The following IL1RAPL1 variants were observed in gnomAD, a reference collection of about 807,000 sequenced individuals.
IL1RAPL1 encodes the protein interleukin-1 receptor accessory protein-like 1.
In IL1RAPL1, 3 loss-of-function variants were observed where a neutral mutation model predicts 48.4. The observed-to-expected ratio is 0.06, with a 90% CI of 0.03 to 0.16. The LOEUF (loss-of-function observed/expected upper bound fraction) is 0.16. Ranked by LOEUF, IL1RAPL1 falls within the 10% of genes least tolerant of loss-of-function variation. IL1RAPL1 has a pLI of 1.00. For synonymous variants in IL1RAPL1, 185 were observed against 187.7 expected (o/e 0.99, Z 0.12); for missense variants, 349 against 530.6 (o/e 0.66, Z 3.36).
chrX:29,144,335 G>T (rs748907069), intron 2 of IL1RAPL1, among the ~76,000 whole-genome samples: 198 of 110,371 alleles, frequency 1.8e-3, no homozygotes, highest in Middle Eastern at 4.7e-3. Flanking sequence ...GGGTGCGGTG[G>T]CTCACACTTG....
chrX:28,672,193 G>A (rs1226385894), intron 1 of IL1RAPL1, among the ~76,000 whole-genome samples: 1 of 110,901 alleles, frequency 9.0e-6, no homozygotes, highest in Admixed American at 9.6e-5. Flanking sequence ...ACATTCCTGT[G>A]TGTTTTATTT....
intron 2 of IL1RAPL1, among the ~76,000 whole-genome samples, chrX:29,040,336 A>G (rs1378966223): frequency 8.9e-6 from 1 of 112,299 alleles, no homozygotes; most frequent in Non-Finnish European, 1.9e-5. Context: ...TGGACCCAAA[A>G]GAGTCCTCTT....
At position 29,500,615 on chromosome X, in the gene IL1RAPL1, G is replaced by A. The variant is rs142488476; in HGVS notation, c.703+101307G>A. Among the ~76,000 whole-genome samples, 97 of 111,415 alleles carry A rather than the reference G, an allele frequency of 8.7e-4. 1 individual carries two copies. In the South Asian group the frequency reaches 0.028, roughly 32 times the overall value. On this transcript the variant is annotated intron_variant, in intron 5 of 10. Coordinates refer to ENST00000378993, the MANE Select transcript of IL1RAPL1 (RefSeq NM_014271.4). ...AAATGATTTAATTATTTTTTATGGC[G>A]GAATAATATTATATAATATGTACAC...
Position 28,603,599 on chromosome X carries a change from A to C in IL1RAPL1, c.-25+15552A>C, listed in dbSNP as rs1256535333. Among the ~76,000 whole-genome samples, 3 of 111,984 alleles carry C rather than the reference A, an allele frequency of 2.7e-5. No homozygotes were observed. The East Asian group carries it at 8.4e-4, about 32-fold the overall frequency. On this transcript the variant is annotated intron_variant, in intron 1 of 10. Transcript: ENST00000378993. ...TGACCTCATTTATCTGGTTCACCAC[A>C]TATCTTTGGTGCCCAGGAGAGTGCC...
chrX:29,389,211 C>T (rs1933822875), intron 3 of IL1RAPL1, among the ~76,000 whole-genome samples: 1 of 108,921 alleles, frequency 9.2e-6, no homozygotes, highest in Non-Finnish European at 1.9e-5. Context: ...AAAAAATTAG[C>T]CGGGCGTGGT....
intron 5 of IL1RAPL1, among the ~76,000 whole-genome samples, chrX:29,642,881 A>G (rs1488535846): frequency 1.8e-5 from 2 of 112,450 alleles, no homozygotes; most frequent in Non-Finnish European, 3.7e-5. Flanking sequence ...CCTTCCAATA[A>G]GGTAACCACA....
intron 5 of IL1RAPL1, among the ~76,000 whole-genome samples, chrX:29,480,291 C>CATACATATATAT (rs375536384): frequency 3.9e-5 from 3 of 76,603 alleles, no homozygotes; most frequent in African/African-American, 1.8e-4. Context: ...CACACATATA[C>CATACATATATAT]ATATATATAT....
chrX:29,161,843 A>G (rs1177055256), intron 2 of IL1RAPL1, among the ~76,000 whole-genome samples: 1 of 112,226 alleles, frequency 8.9e-6, no homozygotes, highest in East Asian at 2.8e-4. Context: ...TTGACACAGC[A>G]ATCCCATTAC....
intron 6 of IL1RAPL1, among the ~76,000 whole-genome samples, chrX:29,767,401 G>T (rs187476023): frequency 8.9e-6 from 1 of 112,018 alleles, no homozygotes; most frequent in Admixed American, 9.5e-5. Flanking sequence ...TACCGTCATT[G>T]AAGATCTTCT....
chrX:29,940,895 A>C lies in IL1RAPL1; in HGVS notation c.1058-756A>C, dbSNP rs771363683. 1.8e-4 allele frequency among the ~76,000 whole-genome samples: 20 copies of C among 111,846 alleles called. No homozygotes were observed. The South Asian group carries it at 3.7e-3, about 21-fold the overall frequency. ...AAGTAAACGGTTGAATGAAAATAAA[A>C]CACCACCAACATATTCATATACTGT... is the stretch of plus-strand genomic sequence containing the variant. On this transcript the variant is annotated intron_variant, in intron 8 of 10. Coordinates refer to ENST00000378993, the MANE Select transcript of IL1RAPL1 (RefSeq NM_014271.4).
chrX:28,796,429 G>A (rs1384721226), intron 2 of IL1RAPL1, among the ~76,000 whole-genome samples: 2 of 111,756 alleles, frequency 1.8e-5, no homozygotes, highest in East Asian at 5.7e-4. Flanking sequence ...AAACAAGTTA[G>A]TTACTTCCTA....
chrX:28,809,845 GAC>G (rs1284295750), intron 2 of IL1RAPL1, among the ~76,000 whole-genome samples: 4 of 108,440 alleles, frequency 3.7e-5, no homozygotes, highest in African/African-American at 1.3e-4. Flanking sequence ...AGCAACAGAT[GAC>G]AGTTACCAGA....
chrX:29,320,726 G>A lies in IL1RAPL1; in HGVS notation c.362+37509G>A, dbSNP rs979399956. ...GGTTGCAGTGAGTCGAGATCATGCC[G>A]CTGCACTCCAGCCTGGACAACAGAG... On this transcript the variant is annotated intron_variant, in intron 3 of 10. Coordinates refer to ENST00000378993, the MANE Select transcript of IL1RAPL1 (RefSeq NM_014271.4). 2.8e-4 allele frequency among the ~76,000 whole-genome samples: 31 copies of A among 109,485 alleles called. 1 individual carries two copies. Among genetic ancestry groups the A allele is most frequent in the African/African-American group, 9.3e-4 (28 of 30,102 alleles).
At chrX:28,643,144 C>A (rs922974182) in intron 1 of IL1RAPL1, among the ~76,000 whole-genome samples, 1 of 111,553 alleles carries the variant, frequency 9.0e-6, no homozygotes, top group Non-Finnish European at 1.9e-5. Context: ...CCGCCTTGGC[C>A]TCCCAAAATG....
At chrX:29,492,496 C>T (rs1935169264) in intron 5 of IL1RAPL1, among the ~76,000 whole-genome samples, 1 of 111,536 alleles carries the variant, frequency 9.0e-6, no homozygotes, top group Non-Finnish European at 1.9e-5. Flanking sequence ...TGTCAGCTTC[C>T]AGAAGTTTCT....
intron 2 of IL1RAPL1, among the ~76,000 whole-genome samples, chrX:29,174,154 C>T (rs995768414): frequency 7.2e-5 from 8 of 110,684 alleles, no homozygotes; most frequent in African/African-American, 2.6e-4. Context: ...GAACTCCCAA[C>T]CTCAGGTGAT....
At chrX:29,260,752 T>G (rs2147582907) in intron 2 of IL1RAPL1, among the ~76,000 whole-genome samples, 1 of 110,893 alleles carries the variant, frequency 9.0e-6, no homozygotes, top group East Asian at 2.8e-4. Flanking sequence ...TAATGGATTT[T>G]AATAAAAGAT....
At chrX:29,756,971 A>G (rs1174606121) in intron 6 of IL1RAPL1, among the ~76,000 whole-genome samples, 1 of 111,346 alleles carries the variant, frequency 9.0e-6, no homozygotes, top group Non-Finnish European at 1.9e-5. Context: ...CTGCAAGCCA[A>G]GGAATGCCAA....
chrX:28,605,348 C>T (rs1449405191), intron 1 of IL1RAPL1, among the ~76,000 whole-genome samples: 1 of 112,239 alleles, frequency 8.9e-6, no homozygotes. Context: ...CGCAATTTTC[C>T]CATCTCGATT....
Sources: allele counts gnomAD v4.1 joint callset (sites outside exome capture counted in the v4.1 genomes callset), GRCh38; gene constraint gnomAD v4.1.1; transcripts MANE v1.5; gene names NCBI Gene and HGNC (gene_info 2026-07-23, HGNC 2026-07-21).